The following PHTF2 variants were observed in gnomAD, a reference collection of about 807,000 sequenced individuals.
PHTF2 encodes the protein protein PHTF2.
PHTF2 carries 60 observed loss-of-function variants against 101.2 expected under a neutral mutation model. The observed-to-expected ratio is 0.59, with a 90% CI of 0.48 to 0.73. The LOEUF (loss-of-function observed/expected upper bound fraction) is 0.73. Among genes scored for constraint, PHTF2 ranks in the 30% least tolerant of loss-of-function variants. PHTF2 has a pLI of 0.00. For synonymous variants in PHTF2, 311 were observed against 307.3 expected, an observed-to-expected ratio of 1.01 and a Z score of -0.13; for missense variants, 747 against 908.7, an observed-to-expected ratio of 0.82 and a Z score of 2.29.
chr7:77,897,908 T>G (rs1397839548), intron 5 of PHTF2, among the ~76,000 whole-genome samples: 1 of 151,870 alleles, frequency 6.6e-6, no homozygotes, highest in Non-Finnish European at 1.5e-5. Flanking sequence ...CTTGAACTCC[T>G]GACCTCAGGT....
intron 5 of PHTF2, among the ~76,000 whole-genome samples, chr7:77,899,627 C>A (rs1222230795): frequency 6.6e-6 from 1 of 152,036 alleles, no homozygotes; most frequent in Non-Finnish European, 1.5e-5. Context: ...GGTTTCAGGG[C>A]GCATTTTTGG....
At chr7:77,845,724 A>G (rs1479044383) in intron 2 of PHTF2, among the ~76,000 whole-genome samples, 1 of 152,214 alleles carries the variant, frequency 6.6e-6, no homozygotes, top group Non-Finnish European at 1.5e-5. Flanking sequence ...CTAAGATTGC[A>G]CAGATGGCTC....
At chr7:77,927,057 C>G (rs1192187693) in intron 11 of PHTF2, among the ~76,000 whole-genome samples, 2 of 147,122 alleles carry the variant, frequency 1.4e-5, no homozygotes, top group Admixed American at 1.4e-4. Flanking sequence ...ACTCAGGAGG[C>G]TGAGGCAGGA....
In PHTF2 at chr7:77,936,717, T is replaced by C. The variant is rs536956512; in HGVS notation, c.1339-993T>C. ...AGTATATGAGTCCTTAAAAATACACTAGAAATACTGCAATATAAACAAGCA... is the reference window on the plus strand; with the variant it reads ...AGTATATGAGTCCTTAAAAATACACCAGAAATACTGCAATATAAACAAGCA... On this transcript the variant is annotated intron_variant, in intron 12 of 19. Transcript: ENST00000416283. Among the ~76,000 whole-genome samples the C allele has an allele frequency of 2.4e-4, 37 of 151,782 alleles. 1 individual carries two copies. The highest frequency in any genetic ancestry group is 8.7e-4 in the African/African-American group (36 of 41,204).
chr7:77,824,323 G>A (rs1457897332), intron 1 of PHTF2, among the ~76,000 whole-genome samples: 2 of 151,114 alleles, frequency 1.3e-5, no homozygotes, highest in African/African-American at 2.4e-5. Flanking sequence ...TTATGATCTT[G>A]TGTTTTTTGC....
At chr7:77,946,770 T>C (rs1005801806) in intron 16 of PHTF2, among the ~76,000 whole-genome samples, 2 of 152,186 alleles carry the variant, frequency 1.3e-5, no homozygotes, top group African/African-American at 4.8e-5. Context: ...AAAGCTAGAT[T>C]TGGCCAGTGG....
At chr7:77,858,758 C>A (rs556057167) in intron 3 of PHTF2, among the ~76,000 whole-genome samples, 4 of 151,286 alleles carry the variant, frequency 2.6e-5, no homozygotes, top group African/African-American at 9.7e-5. Context: ...ATTTAAATAG[C>A]ATTTTTCCCA....
At chr7:77,820,813 TTTC>T (rs1794227896) in intron 1 of PHTF2, among the ~76,000 whole-genome samples, 1 of 152,218 alleles carries the variant, frequency 6.6e-6, no homozygotes, top group South Asian at 2.1e-4. Flanking sequence ...TATTGATTGT[TTTC>T]TTCTTGTTTT....
intron 3 of PHTF2, among the ~76,000 whole-genome samples, chr7:77,875,085 G>A (rs1323737463): frequency 1.3e-5 from 2 of 152,086 alleles, no homozygotes; most frequent in Non-Finnish European, 2.9e-5. Flanking sequence ...TTTGCTTCCA[G>A]TCACTTTGGC....
intron 3 of PHTF2, among the ~76,000 whole-genome samples, chr7:77,857,461 A>AT (rs1395504079): frequency 1.3e-5 from 2 of 151,960 alleles, no homozygotes; most frequent in East Asian, 1.9e-4. Context: ...TTTGAATTGG[A>AT]TTTTTTTTAA....
chr7:77,932,656 G>GTT (rs1804719301), intron 12 of PHTF2, among the ~76,000 whole-genome samples: 1 of 150,242 alleles, frequency 6.7e-6, no homozygotes, highest in Non-Finnish European at 1.5e-5. Context: ...GTGTGTGTGT[G>GTT]TTCAAGCCAA....
At chr7:77,856,234 T>A (rs1472083777) in intron 3 of PHTF2, among the ~76,000 whole-genome samples, 1 of 152,148 alleles carries the variant, frequency 6.6e-6, no homozygotes, top group African/African-American at 2.4e-5. Flanking sequence ...AAATAAATGT[T>A]TAAGTGGTTT....
intron 3 of PHTF2, among the ~76,000 whole-genome samples, chr7:77,866,134 A>G (rs925433418): frequency 6.6e-6 from 1 of 150,378 alleles, no homozygotes; most frequent in African/African-American, 2.5e-5. Context: ...CAGTGAGTCA[A>G]GATCACACCA....
intron 1 of PHTF2, among the ~76,000 whole-genome samples, chr7:77,836,666 C>T (rs550500361): frequency 6.6e-6 from 1 of 152,206 alleles, no homozygotes; most frequent in South Asian, 2.1e-4. Flanking sequence ...ATGTCCTTTG[C>T]AGGGACATGG....
intron 9 of PHTF2, among the ~76,000 whole-genome samples, chr7:77,918,209 C>A (rs550940606): frequency 6.6e-6 from 1 of 152,248 alleles, no homozygotes; most frequent in East Asian, 1.9e-4. Flanking sequence ...CCCTCACCCC[C>A]CTACCACCAC....
chr7:77,838,042 C>A (rs1795602976), intron 1 of PHTF2, among the ~76,000 whole-genome samples: 2 of 151,982 alleles, frequency 1.3e-5, no homozygotes, highest in African/African-American at 4.8e-5. Context: ...ATTTTTGTAC[C>A]ATTTTTCATA....
chr7:77,866,539 TGG>T, intron 3 of PHTF2, among the ~76,000 whole-genome samples: 1 of 152,132 alleles, frequency 6.6e-6, no homozygotes, highest in African/African-American at 2.4e-5. Flanking sequence ...GGCATGGAAT[TGG>T]AAGTCAGAAG....
At chr7:77,894,652 G>A (rs543891428) in intron 5 of PHTF2, among the ~76,000 whole-genome samples, 7 of 152,266 alleles carry the variant, frequency 4.6e-5, no homozygotes, top group African/African-American at 1.2e-4. Context: ...TTATAGTTTT[G>A]TAGGGGAGAT....
intron 1 of PHTF2, among the ~76,000 whole-genome samples, chr7:77,821,016 G>A (rs1794243481): frequency 6.6e-6 from 1 of 152,094 alleles, no homozygotes; most frequent in African/African-American, 2.4e-5. Flanking sequence ...TTCTTATAAG[G>A]CTGGCTTAGT....
Sources: gnomAD v4.1 joint callset for allele counts (sites outside exome capture counted in the v4.1 genomes callset) on GRCh38, gnomAD v4.1.1 for gene constraint, MANE v1.5 for transcripts, NCBI Gene and HGNC (gene_info 2026-07-23, HGNC 2026-07-21) for gene names.